TNRC6A: variants seen among roughly 807,000 people sequenced by gnomAD.
The protein encoded by TNRC6A is trinucleotide repeat-containing gene 6A protein.
A neutral mutation model predicts 221.2 loss-of-function variants in TNRC6A; 44 were observed. That is an observed-to-expected ratio of 0.20 (90% confidence interval 0.16 to 0.26). The LOEUF (loss-of-function observed/expected upper bound fraction) is 0.26. Among genes scored for constraint, TNRC6A ranks in the 10% least tolerant of loss-of-function variants. The probability of loss-of-function intolerance (pLI) is 1.00; values close to 1 mark genes in which losing one functional copy is unlikely to be tolerated. For missense variants in TNRC6A, 2,199 were observed against 2,404.4 expected, an observed-to-expected ratio of 0.91 and a Z score of 1.79; for synonymous variants, 847 against 838.5, an observed-to-expected ratio of 1.01 and a Z score of -0.18.
At position 24,789,574 on chromosome 16, in the gene TNRC6A, G is replaced by A. The variant is rs1264159238; in HGVS notation, c.932G>A (p.Gly311Glu). ...SNNVGHGSST[G>E]PWGFSHGAII... ...AATGTGGGCCATGGAAGTAGTACTG[G>A]GCCATGGGGTTTTTCCCATGGAGCC... The change falls in exon 6 of 25, where the codon GGG (glycine) becomes GAG (glutamate). Residue 311 changes from glycine to glutamate, a missense_variant. Coordinates refer to ENST00000395799, the MANE Select transcript of TNRC6A (RefSeq NM_014494.4). 6.2e-7 allele frequency: 1 copy of A among 1,613,902 alleles called. No homozygotes were observed. Among genetic ancestry groups the A allele is most frequent in the African/African-American group, 1.3e-5 (1 of 74,878 alleles).
chr16:24,731,460 G>A lies in TNRC6A; in HGVS notation c.53+1160G>A, dbSNP rs577575560. ...AGGATAGGCATCATTGGTTTACCCAGTAAGGGATTCTCTGTTACTCAAAAT... is the reference window on the plus strand; with the variant it reads ...AGGATAGGCATCATTGGTTTACCCAATAAGGGATTCTCTGTTACTCAAAAT... On this transcript the variant is annotated intron_variant, in intron 2 of 24. Coordinates refer to ENST00000395799, the MANE Select transcript of TNRC6A (RefSeq NM_014494.4). Among the ~76,000 whole-genome samples the A allele has an allele frequency of 2.6e-5, 4 of 152,316 alleles. No individual in the cohort carries two copies. In the South Asian group the frequency reaches 8.3e-4, roughly 32 times the overall value.
intron 3 of TNRC6A, among the ~76,000 whole-genome samples, chr16:24,753,618 AT>A (rs2057185344): frequency 6.6e-6 from 1 of 152,212 alleles, no homozygotes; most frequent in Non-Finnish European, 1.5e-5. Flanking sequence ...CATATGAGGA[AT>A]TGTGAGTCAC....
intron 5 of TNRC6A, among the ~76,000 whole-genome samples, chr16:24,784,858 T>C (rs1364727509): frequency 1.3e-5 from 2 of 152,248 alleles, no homozygotes; most frequent in South Asian, 4.1e-4. Flanking sequence ...TTGCAGAATA[T>C]ATTCAGGCGT....
rs545334349 is a variant in TNRC6A at position 24,759,146 on chromosome 16, G to A, written c.163+786G>A. On this transcript the variant is annotated intron_variant, in intron 4 of 24. Transcript: ENST00000395799. ...AGCATGATTCAAGACACAGAGATAA[G>A]AAATAACATGATGTGGCTTGCAGTG... is the stretch of plus-strand genomic sequence containing the variant. 7.0e-4 allele frequency among the ~76,000 whole-genome samples: 106 copies of A among 152,030 alleles called. 3 individuals are homozygous for A. In the South Asian group the frequency reaches 0.021, roughly 30 times the overall value.
chr16:24,654,683 C>A (rs529868202), intron 2 of TNRC6A, among the ~76,000 whole-genome samples: 16 of 151,940 alleles, frequency 1.1e-4, no homozygotes, highest in Non-Finnish European at 2.2e-4. Context: ...CGCACCACTG[C>A]ACTCCAGCCT....
intron 6 of TNRC6A, among the ~76,000 whole-genome samples, chr16:24,792,205 T>C (rs929946115): frequency 6.6e-6 from 1 of 152,164 alleles, no homozygotes; most frequent in African/African-American, 2.4e-5. Context: ...GGTTGTATAT[T>C]TGGCTTTAGA....
rs72768670 is a variant in TNRC6A, at chr16:24,736,579, G to A, written c.53+6279G>A. On this transcript the variant is annotated intron_variant, in intron 2 of 24. Transcript: ENST00000395799. Reference sequence around the variant, plus strand: ...TGACATTTTGAAATAGTCCAGTCTAGTTGTTTTTGCAGACTGAAATTTGCA... The same window carrying A: ...TGACATTTTGAAATAGTCCAGTCTAATTGTTTTTGCAGACTGAAATTTGCA... Among the ~76,000 whole-genome samples the A allele has an allele frequency of 8.1e-3, 1,241 of 152,286 alleles. 10 individuals carry two copies. Among genetic ancestry groups the A allele is most frequent in the Middle Eastern group, 0.041 (12 of 294 alleles).
chr16:24,782,482 G>A (rs947180989), intron 5 of TNRC6A, among the ~76,000 whole-genome samples: 3 of 152,120 alleles, frequency 2.0e-5, no homozygotes, highest in African/African-American at 7.2e-5. Flanking sequence ...CATCTGGCTC[G>A]CAAGGCCTAA....
At chr16:24,753,356 C>T (rs1368420550) in intron 3 of TNRC6A, among the ~76,000 whole-genome samples, 8 of 152,230 alleles carry the variant, frequency 5.3e-5, no homozygotes, top group Middle Eastern at 3.4e-3. Context: ...TCCTGTGTGT[C>T]TCATAGACAC....
At chr16:24,816,538 C>A in intron 19 of TNRC6A, 1 of 291,824 alleles carries the variant, frequency 3.4e-6, no homozygotes, top group South Asian at 6.2e-5. Context: ...TTTTTTAACA[C>A]ACACACAAGT....
intron 1 of TNRC6A, among the ~76,000 whole-genome samples, chr16:24,629,114 G>A (rs997585756): frequency 1.1e-4 from 17 of 151,908 alleles, no homozygotes; most frequent in African/African-American, 3.9e-4. Context: ...TATAAATCTA[G>A]TATATCTTAT....
At chr16:24,693,415 C>T (rs189156816) in intron 2 of TNRC6A, among the ~76,000 whole-genome samples, 1 of 152,162 alleles carries the variant, frequency 6.6e-6, no homozygotes, top group Non-Finnish European at 1.5e-5. Flanking sequence ...GGTGAAACCC[C>T]GTCTCTACTA....
intron 2 of TNRC6A, among the ~76,000 whole-genome samples, chr16:24,673,882 G>A (rs147565338): frequency 6.6e-5 from 10 of 152,260 alleles, no homozygotes; most frequent in South Asian, 2.1e-4. Context: ...CGTGAGAACC[G>A]TGTAATGGGC....
chr16:24,679,043 G>T (rs1247451424), intron 2 of TNRC6A, among the ~76,000 whole-genome samples: 1 of 149,016 alleles, frequency 6.7e-6, no homozygotes, highest in Non-Finnish European at 1.5e-5. Flanking sequence ...TTGTTGCCCA[G>T]GCTGGAGTGC....
intron 1 of TNRC6A, among the ~76,000 whole-genome samples, chr16:24,633,797 T>C (rs1901478151): frequency 6.6e-6 from 1 of 150,934 alleles, no homozygotes; most frequent in African/African-American, 2.5e-5. Flanking sequence ...TTTTTTTTTT[T>C]TTCGAGACGA....
intron 8 of TNRC6A, chr16:24,795,555 C>T (rs60708024): frequency 0.017 from 4,178 of 240,260 alleles, 173 homozygotes; most frequent in African/African-American, 0.084. Flanking sequence ...AGTCAGATAC[C>T]AGTGGATAGC....
At chr16:24,708,603 C>T (rs958348092) in intron 2 of TNRC6A, among the ~76,000 whole-genome samples, 2 of 152,108 alleles carry the variant, frequency 1.3e-5, no homozygotes, top group African/African-American at 4.8e-5. Flanking sequence ...TAGCAGTGTA[C>T]AGTGTACACT....
At chr16:24,693,023 A>G (rs1253922198) in intron 2 of TNRC6A, among the ~76,000 whole-genome samples, 3 of 152,186 alleles carry the variant, frequency 2.0e-5, no homozygotes, top group Non-Finnish European at 4.4e-5. Flanking sequence ...TAAAATAATA[A>G]TTTAATAAGC....
intron 2 of TNRC6A, among the ~76,000 whole-genome samples, chr16:24,742,267 A>G (rs1038903845): frequency 6.6e-6 from 1 of 152,240 alleles, no homozygotes; most frequent in African/African-American, 2.4e-5. Context: ...CTTCAGAGAA[A>G]TAAAATAAAT....
Sources: allele counts gnomAD v4.1 joint callset (sites outside exome capture counted in the v4.1 genomes callset), GRCh38; gene constraint gnomAD v4.1.1; transcripts MANE v1.5; gene names NCBI Gene and HGNC (gene_info 2026-07-23, HGNC 2026-07-21).